The following IZUMO1 variants were observed in gnomAD, a reference collection of about 807,000 sequenced individuals.
IZUMO1 encodes the protein izumo sperm-oocyte fusion 1.
Under a neutral mutation model 40.7 loss-of-function variants are expected in IZUMO1, and 44 were observed. The observed-to-expected ratio is 1.08, with a 90% CI of 0.85 to 1.39. IZUMO1 has a LOEUF of 1.39. Among genes scored for constraint, IZUMO1 ranks in the 40% most tolerant of loss-of-function variants. The probability of loss-of-function intolerance (pLI) is 0.00; values close to 1 mark genes in which losing one functional copy is unlikely to be tolerated. For synonymous variants in IZUMO1, 149 were observed against 170.9 expected (o/e 0.87, Z 1.00); for missense variants, 368 against 436.9 (o/e 0.84, Z 1.41).
At chr19:48,743,975 G>T in intron 5 of IZUMO1, 200 bp downstream of exon 5, 1 of 614,906 alleles carries the variant, frequency 1.6e-6, no homozygotes, top group East Asian at 2.8e-5. Context: ...TGGGTGACAG[G>T]GTGAGACTGT....
chr19:48,742,447 A>G (rs2033735082), intron 6 of IZUMO1, 138 bp from the exon 7 acceptor site: 1 of 650,758 alleles, frequency 1.5e-6, no homozygotes. Context: ...TCCTGGGTTC[A>G]AGCGATTCTC....
In IZUMO1 at chr19:48,742,307, G is replaced by A. The variant is rs551903814; in HGVS notation, c.502C>T (p.Arg168Trp). 1.2e-5 allele frequency: 20 copies of A among 1,609,190 alleles called. No homozygotes were observed. Among genetic ancestry groups the A allele is most frequent in the Non-Finnish European group, 1.5e-5 (18 of 1,175,542 alleles). Residue 168 changes from arginine to tryptophan, a missense_variant and splice_region_variant, in exon 7 of 10, where the codon CGG (arginine) becomes TGG (tryptophan). Coordinates refer to ENST00000332955, the MANE Select transcript of IZUMO1 (RefSeq NM_182575.3). ...ACRKSYDCGERNVEVPQMEDM... is the reference protein window; with the variant it reads ...ACRKSYDCGEWNVEVPQMEDM... ...TCCATTTGAGGAACTTCCACATTCC[G>A]CTCTGGGGGTGGGGGATGACCATGG... is the stretch of plus-strand genomic sequence containing the variant.
chr19:48,745,986 C>A, intron 1 of IZUMO1, 54 bp from the exon 2 acceptor site: 1 of 1,485,092 alleles, frequency 6.7e-7, no homozygotes, highest in Non-Finnish European at 8.9e-7. Flanking sequence ...GGCCGCCTAT[C>A]CATGGGGTCC....
At chr19:48,743,817 C>A in intron 5 of IZUMO1, 1 of 490,062 alleles carries the variant, frequency 2.0e-6, no homozygotes, top group South Asian at 2.3e-5. Context: ...ATGGTGAAAC[C>A]CCGTCTCTGC....
Position 48,742,308 on chromosome 19 carries a change from C to T in IZUMO1, c.501G>A (p.Glu167=). ...CCATTTGAGGAACTTCCACATTCCG[C>T]TCTGGGGGTGGGGGATGACCATGGG... ...HACRKSYDCG[E]RNVEVPQMED... The change falls in exon 7 of 10, where the codon GAG becomes GAA. Residue 167 remains glutamate (E), a splice_region_variant and synonymous_variant. Coordinates refer to ENST00000332955, the MANE Select transcript of IZUMO1 (RefSeq NM_182575.3). The T allele has an allele frequency of 6.2e-7, 1 of 1,608,796 alleles. No homozygotes were observed. The highest frequency in any genetic ancestry group is 8.5e-7 in the Non-Finnish European group (1 of 1,175,234).
rs2122507855 is a variant in IZUMO1 at position 48,742,233 on chromosome 19, G to A, written c.576C>T (p.Gly192=). The change falls in exon 7 of 10, where the codon GGC becomes GGT. Residue 192 remains glycine (G), a synonymous_variant. Coordinates refer to ENST00000332955, the MANE Select transcript of IZUMO1 (RefSeq NM_182575.3). ...CCCTGTAAAAGCTGTAATCAGTGAG[G>A]CCTTCCGAAGCCTGATGCCAGTTTA... ...CELNWHQASE[G]LTDYSFYRVW... 1 of 1,613,882 alleles carries A rather than the reference G, an allele frequency of 6.2e-7. No individual in the cohort carries two copies. Among genetic ancestry groups the A allele is most frequent in the Non-Finnish European group, 8.5e-7 (1 of 1,179,752 alleles).
At chr19:48,742,878 C>A (rs992715566) in intron 6 of IZUMO1, among the ~76,000 whole-genome samples, 1 of 151,754 alleles carries the variant, frequency 6.6e-6, no homozygotes, top group African/African-American at 2.4e-5. Flanking sequence ...AGGTGCCCAC[C>A]ACCATGTCTG....
rs191499985 is a variant in IZUMO1, at chr19:48,744,448, C to A, written c.397+5G>T. ...TGGGGGACACCGACTCCCATCTTCT[C>A]TCACCCTCTTTTTGGAATCGAGCAA... On this transcript the variant is annotated splice_donor_5th_base_variant and intron_variant, in intron 4 of 9. Transcript: ENST00000332955. 384 of 1,609,186 alleles carry A rather than the reference C, an allele frequency of 2.4e-4. 1 individual carries two copies. In the African/African-American group the frequency reaches 4.2e-3, roughly 18 times the overall value.
rs2033894144 is a variant in IZUMO1 at position 48,746,669 on chromosome 19, G to C, written c.-308C>G. 4 of 985,532 alleles carry C rather than the reference G, an allele frequency of 4.1e-6. No individual in the cohort carries two copies. Among genetic ancestry groups the C allele is most frequent in the Non-Finnish European group, 4.8e-6 (4 of 829,960 alleles). 61.0% of individuals were successfully genotyped at this position (985,532 alleles called of 1,614,324 possible). On this transcript the variant is annotated 5_prime_UTR_variant, in exon 1 of 10. Coordinates refer to ENST00000332955, the MANE Select transcript of IZUMO1 (RefSeq NM_182575.3). ...GGCCTCTAACACTAGGGTTCATTGAGGAGCCCGGTCCAGGTTCTGAGGGCT... is the reference window on the plus strand; with the variant it reads ...GGCCTCTAACACTAGGGTTCATTGACGAGCCCGGTCCAGGTTCTGAGGGCT...
At position 48,745,811 on chromosome 19, in the gene IZUMO1, G is replaced by A. The variant is rs370772919; in HGVS notation, c.49C>T (p.Leu17Phe). ...CATATAACACACCCCTCGGCAGGAA[G>A]CAAGCAACCGGCCAGCGCCGCACAC... is the stretch of plus-strand genomic sequence containing the variant. ...LLCAALAGCL[L>F]PAEGCVICDP... Residue 17 changes from leucine (L) to phenylalanine (F), a missense_variant, in exon 2 of 10, where the codon CTT (leucine) becomes TTT (phenylalanine). By Grantham distance (22) the Leu-to-Phe change is conservative. Transcript: ENST00000332955. 9.3e-6 allele frequency: 15 copies of A among 1,614,090 alleles called. No homozygotes were observed. Among genetic ancestry groups the A allele is most frequent in the East Asian group, 6.7e-5 (3 of 44,900 alleles).
At chr19:48,745,432 A>G (rs2033852775) in intron 2 of IZUMO1, 144 bp from the exon 3 acceptor site, 1 of 1,009,230 alleles carries the variant, frequency 9.9e-7, no homozygotes, top group African/African-American at 1.6e-5. Context: ...TGGGAGTTGT[A>G]GTTTTATTAC....
Position 48,741,064 on chromosome 19 carries a change from G to A in IZUMO1, c.933-36C>T. ...GAGTGGGGTGCAGATCATGGAACCG[G>A]TTTGGGTACTAATTGTGTGGGGGAC... is the stretch of plus-strand genomic sequence containing the variant. On this transcript the variant is annotated intron_variant, in intron 9 of 9. Transcript: ENST00000332955. This position sits in a 1 kb window ranked among gnomAD's most constrained non-coding sequence, Gnocchi z 4.4. 1.9e-6 allele frequency: 3 copies of A among 1,612,210 alleles called. No homozygotes were observed. The highest frequency in any genetic ancestry group is 2.5e-6 in the Non-Finnish European group (3 of 1,179,444).
In IZUMO1 at chr19:48,745,308, C is replaced by T. The variant is rs1405182182; in HGVS notation, c.236-20G>A. ...CCTCATCTGTCAGAGGAGATATAACCCCAGATTCCAGCCTTACTGTCTCAT... is the reference window on the plus strand; with the variant it reads ...CCTCATCTGTCAGAGGAGATATAACTCCAGATTCCAGCCTTACTGTCTCAT... On this transcript the variant is annotated intron_variant, in intron 2 of 9. Coordinates refer to ENST00000332955, the MANE Select transcript of IZUMO1 (RefSeq NM_182575.3). The T allele has an allele frequency of 2.5e-6, 4 of 1,605,874 alleles. 1 individual carries two copies. In the Middle Eastern group the frequency reaches 6.6e-4, roughly 265 times the overall value.
chr19:48,744,362 A>G, intron 4 of IZUMO1, 91 bp downstream of exon 4: 1 of 1,247,256 alleles, frequency 8.0e-7, no homozygotes, highest in Non-Finnish European at 1.2e-6. Context: ...GAAGCTGAGG[A>G]ACTGGGCTTG....
At chr19:48,742,041 T>C (rs921521759) in intron 7 of IZUMO1, 99 bp from the exon 8 acceptor site, 68 of 1,530,908 alleles carry the variant, frequency 4.4e-5, no homozygotes, top group Non-Finnish European at 5.8e-5. Flanking sequence ...GGGAGGTGAG[T>C]GTCCAGGGTG....
chr19:48,745,112 G>T, intron 3 of IZUMO1, 102 bp downstream of exon 3: 1 of 944,456 alleles, frequency 1.1e-6, no homozygotes. Flanking sequence ...TTGGAATCTA[G>T]GCGGTCTGGG....
Position 48,745,856 on chromosome 19 carries a change from C to G in IZUMO1, c.4G>C (p.Gly2Arg), listed in dbSNP as rs2033870266. ...GCACACAGGAGGGTAAAATGCGGCC[C>G]CATTGCAGCCGGCGCGCACAGTTCC... M[G>R]PHFTLLCAAL... The change falls in exon 2 of 10, where the codon GGG (glycine) becomes CGG (arginine). Residue 2 changes from glycine (G) to arginine (R), a missense_variant. Coordinates refer to ENST00000332955, the MANE Select transcript of IZUMO1 (RefSeq NM_182575.3). The G allele has an allele frequency of 6.2e-7, 1 of 1,614,008 alleles. No homozygotes were observed. Among genetic ancestry groups the G allele is most frequent in the Non-Finnish European group, 8.5e-7 (1 of 1,180,040 alleles).
rs1342269943 is a variant in IZUMO1, at chr19:48,741,972, C to G, written c.601-30G>C. 5.7e-6 allele frequency: 9 copies of G among 1,565,370 alleles called. No homozygotes were observed. In the South Asian group the frequency reaches 8.1e-5, roughly 14 times the overall value. ...ACCCAAGCTCAAGGGGTCACTGAGG[C>G]CTGAGGAATTCAGGGGTTGGGGGAG... On this transcript the variant is annotated intron_variant, in intron 7 of 9. Coordinates refer to ENST00000332955, the MANE Select transcript of IZUMO1 (RefSeq NM_182575.3). The surrounding 1 kb of genome is among the most constrained non-coding windows in gnomAD (Gnocchi z 4.4).
In IZUMO1 at chr19:48,745,731, G is replaced by A; in HGVS notation, c.129C>T (p.Gly43=). Residue 43 remains glycine (G), a synonymous_variant, in exon 2 of 10, where the codon GGC becomes GGT. Coordinates refer to ENST00000332955, the MANE Select transcript of IZUMO1 (RefSeq NM_182575.3). The part of the protein sequence containing the change: ...LKSLEKDYLP[G]HLDAKHHKAM... ...CTTTGTGATGCTTCGCATCCAGGTGGCCAGGCAGGTAATCTTTCTCCAGGG... is the reference window on the plus strand; with the variant it reads ...CTTTGTGATGCTTCGCATCCAGGTGACCAGGCAGGTAATCTTTCTCCAGGG... 6.2e-7 allele frequency: 1 copy of A among 1,614,194 alleles called. No homozygotes were observed. The highest frequency in any genetic ancestry group is 8.5e-7 in the Non-Finnish European group (1 of 1,180,042).
Sources: allele counts gnomAD v4.1 joint callset (sites outside exome capture counted in the v4.1 genomes callset), GRCh38; gene constraint gnomAD v4.1.1; non-coding constraint Gnocchi (gnomAD v3.1); transcripts MANE v1.5; gene names NCBI Gene and HGNC (gene_info 2026-07-23, HGNC 2026-07-21).